The following CDC14B variants were observed in gnomAD, a reference collection of about 807,000 sequenced individuals.
The protein encoded by CDC14B is dual specificity protein phosphatase CDC14B.
In CDC14B, 22 loss-of-function variants were observed where a neutral mutation model predicts 64.2. The observed-to-expected ratio is 0.34, with a 90% CI of 0.24 to 0.49. The LOEUF is 0.49. Among genes scored for constraint, CDC14B ranks in the 20% least tolerant of loss-of-function variants. The pLI, the probability that CDC14B is intolerant of heterozygous loss-of-function variation, is 0.99. For missense variants in CDC14B, 498 were observed against 629.9 expected, an observed-to-expected ratio of 0.79 and a Z score of 2.24; for synonymous variants, 191 against 215.8, an observed-to-expected ratio of 0.89 and a Z score of 1.01.
rs555181899 is a variant in CDC14B at position 96,585,267 on chromosome 9, T to C, written c.161-19784A>G. 3.9e-5 allele frequency among the ~76,000 whole-genome samples: 6 copies of C among 152,010 alleles called. No individual in the cohort carries two copies. The South Asian group carries it at 1.2e-3, about 32-fold the overall frequency. On this transcript the variant is annotated intron_variant, in intron 1 of 13. Coordinates refer to ENST00000375241, the MANE Select transcript of CDC14B (RefSeq NM_033331.4). Reference sequence around the variant, plus strand: ...GATATATGTGCAGAACGTGTATACATGTGGCATGGTGGTTTGCTGCACCCA... The same window carrying C: ...GATATATGTGCAGAACGTGTATACACGTGGCATGGTGGTTTGCTGCACCCA...
chr9:96,535,101 G>A (rs1305774756), intron 7 of CDC14B, among the ~76,000 whole-genome samples: 4 of 152,254 alleles, frequency 2.6e-5, no homozygotes, highest in South Asian at 4.1e-4. Flanking sequence ...AAGTTCATTT[G>A]TTCGTGATCA....
rs553806018 is a variant in CDC14B at position 96,601,462 on chromosome 9, A to G, written c.160+17757T>C. Reference sequence around the variant, plus strand: ...CAGTGAGCCAAGATTGCACCACTGCACTCCAGCCTGGTGACAGAAAGAGAC... The same window carrying G: ...CAGTGAGCCAAGATTGCACCACTGCGCTCCAGCCTGGTGACAGAAAGAGAC... On this transcript the variant is annotated intron_variant, in intron 1 of 13. Coordinates refer to ENST00000375241, the MANE Select transcript of CDC14B (RefSeq NM_033331.4). 1.0e-4 allele frequency among the ~76,000 whole-genome samples: 15 copies of G among 150,676 alleles called. No individual in the cohort carries two copies. The South Asian group carries it at 2.9e-3, about 30-fold the overall frequency.
intron 4 of CDC14B, among the ~76,000 whole-genome samples, chr9:96,557,926 G>C (rs949902276): frequency 6.6e-6 from 1 of 152,194 alleles, no homozygotes; most frequent in South Asian, 2.1e-4. Flanking sequence ...TACACAGAAA[G>C]ATGTTAGAAA....
chr9:96,559,389 A>G (rs1024707911), intron 4 of CDC14B, among the ~76,000 whole-genome samples: 2 of 152,220 alleles, frequency 1.3e-5, no homozygotes, highest in African/African-American at 4.8e-5. Flanking sequence ...CAAGTCGAAC[A>G]CTAAAGAACC....
At chr9:96,587,380 T>A (rs1185899351) in intron 1 of CDC14B, among the ~76,000 whole-genome samples, 1 of 152,166 alleles carries the variant, frequency 6.6e-6, no homozygotes, top group East Asian at 1.9e-4. Flanking sequence ...GTTTCTAATC[T>A]GTAGCCTCTG....
chr9:96,586,038 C>T (rs561053829), intron 1 of CDC14B, among the ~76,000 whole-genome samples: 18 of 152,314 alleles, frequency 1.2e-4, no homozygotes, highest in African/African-American at 4.3e-4. Context: ...AGAAACCAGA[C>T]AGCAGATGCT....
At chr9:96,541,557 G>C (rs1032549255) in intron 6 of CDC14B, among the ~76,000 whole-genome samples, 4 of 152,102 alleles carry the variant, frequency 2.6e-5, no homozygotes, top group Non-Finnish European at 5.9e-5. Flanking sequence ...ACCAATTCTG[G>C]ATCTAGAACC....
Position 96,523,735 on chromosome 9 carries a change from TAAAG to T in CDC14B, c.947-14_947-11del. The T allele has an allele frequency of 6.2e-7, 1 of 1,608,606 alleles. No homozygotes were observed. The highest frequency in any genetic ancestry group is 8.5e-7 in the Non-Finnish European group (1 of 1,175,966). On this transcript the variant is annotated splice_polypyrimidine_tract_variant and intron_variant, in intron 9 of 13. Transcript: ENST00000375241. ...GTGCGACCAAGGCCAGCTAGGAAAA[TAAAG>T]AAGCACAGAAATGAAACTTGGGCTG...
rs758052305 is a variant in CDC14B, at chr9:96,571,768, CTT to C, written c.161-6287_161-6286del. 2.9e-3 allele frequency among the ~76,000 whole-genome samples: 437 copies of C among 152,216 alleles called. 1 individual carries two copies. The highest frequency in any genetic ancestry group is 0.01 in the Middle Eastern group (3 of 294). The stretch of plus-strand genomic sequence containing the variant: ...AAGCCGGCCTTGGGAAACAGAGTCT[CTT>C]TGATGTTTTCCTGCTCTCCTTTCCC... On this transcript the variant is annotated intron_variant, in intron 1 of 13. Coordinates refer to ENST00000375241, the MANE Select transcript of CDC14B (RefSeq NM_033331.4).
intron 5 of CDC14B, among the ~76,000 whole-genome samples, chr9:96,551,035 C>G (rs1422960847): frequency 6.7e-6 from 1 of 150,314 alleles, no homozygotes; most frequent in African/African-American, 2.4e-5. Flanking sequence ...TCTCAGGAAC[C>G]ACACTCCTCA....
chr9:96,605,340 G>C (rs966048296), intron 1 of CDC14B, among the ~76,000 whole-genome samples: 3 of 152,158 alleles, frequency 2.0e-5, no homozygotes, highest in Non-Finnish European at 4.4e-5. Flanking sequence ...TACTGTCATA[G>C]GACTTGAAAA....
intron 9 of CDC14B, 68 bp downstream of exon 9, chr9:96,533,859 A>G (rs1838883320): frequency 1.1e-6 from 1 of 931,370 alleles, no homozygotes; most frequent in African/African-American, 1.7e-5. Flanking sequence ...CTAAATGAAT[A>G]TGGTCTGTTT....
chr9:96,586,785 T>C (rs569619433), intron 1 of CDC14B, among the ~76,000 whole-genome samples: 8 of 152,266 alleles, frequency 5.3e-5, no homozygotes, highest in Admixed American at 4.6e-4. Flanking sequence ...GGAAAATTCA[T>C]GGAAATAGGG....
chr9:96,565,409 C>T lies in CDC14B; in HGVS notation c.235G>A (p.Glu79Lys), dbSNP rs1355197987. 1.2e-6 allele frequency: 2 copies of T among 1,600,842 alleles called. No homozygotes were observed. The highest frequency in any genetic ancestry group is 4.5e-5 in the East Asian group (2 of 44,740). The change falls in exon 2 of 14, where the codon GAA becomes AAA. Residue 79 changes from glutamate (E) to lysine (K), a missense_variant. By Grantham distance (56) the Glu-to-Lys change is moderately conservative. Transcript: ENST00000375241. ...SNVHYFSIDN[E>K]LEYENFYADF... Reference sequence around the variant, plus strand: ...AATACTTACTTCTCATATTCAAGTTCATTATCTATGCTGAAATAATGTACA... The same window carrying T: ...AATACTTACTTCTCATATTCAAGTTTATTATCTATGCTGAAATAATGTACA...
At position 96,619,487 on chromosome 9, in the gene CDC14B, G is replaced by A. The variant is rs900875832; in HGVS notation, c.-109C>T. On this transcript the variant is annotated 5_prime_UTR_variant, in exon 1 of 14. Transcript: ENST00000375241. ...GGGCGCTCGGGGCGGCGGGCGCAGA[G>A]CGGCGCTGCGGGGACGGCGGGCGCC... 3.8e-5 allele frequency: 19 copies of A among 505,884 alleles called. No homozygotes were observed. The highest frequency in any genetic ancestry group is 6.6e-5 in the Admixed American group (1 of 15,116). 31.3% of individuals were successfully genotyped at this position (505,884 alleles called of 1,614,324 possible). A position where few individuals can be genotyped will look rare whatever the true frequency, so the allele number is the denominator to read the frequency against.
At chr9:96,604,668 C>CG (rs1034985490) in intron 1 of CDC14B, among the ~76,000 whole-genome samples, 9 of 150,366 alleles carry the variant, frequency 6.0e-5, no homozygotes, top group South Asian at 2.1e-4. Context: ...TTTTTTTTTG[C>CG]GGGGGGCGGG....
chr9:96,519,324 A>G (rs1028186945), intron 12 of CDC14B, among the ~76,000 whole-genome samples: 1 of 152,138 alleles, frequency 6.6e-6, no homozygotes, highest in African/African-American at 2.4e-5. Flanking sequence ...GATCAGCTCA[A>G]TGTCATGGTG....
At chr9:96,585,405 C>T (rs1173481671) in intron 1 of CDC14B, among the ~76,000 whole-genome samples, 1 of 152,172 alleles carries the variant, frequency 6.6e-6, no homozygotes, top group Admixed American at 6.6e-5. Flanking sequence ...GTTTCCCTCC[C>T]TGTGTCCCTG....
chr9:96,512,363 T>A (rs1217732152), intron 12 of CDC14B, among the ~76,000 whole-genome samples: 1 of 151,180 alleles, frequency 6.6e-6, no homozygotes. Flanking sequence ...GGTCTCACTC[T>A]GTTGCCCAGG....
Sources: allele counts gnomAD v4.1 joint callset (sites outside exome capture counted in the v4.1 genomes callset), GRCh38; gene constraint gnomAD v4.1.1; transcripts MANE v1.5; gene names NCBI Gene and HGNC (gene_info 2026-07-23, HGNC 2026-07-21).